Variants in SORCS2 observed in about 807,000 individuals in gnomAD.
The protein encoded by SORCS2 is sortilin related VPS10 domain containing receptor 2, also known as VPS10 domain-containing receptor SorCS2.
SORCS2 carries 100 observed loss-of-function variants against 141.6 expected under a neutral mutation model. The ratio of observed to expected loss-of-function variants is 0.71; its 90% CI spans 0.60 to 0.83. SORCS2 has a LOEUF of 0.83. SORCS2 is among the 40% of genes least tolerant of loss of function. The pLI is 0.00. For synonymous variants in SORCS2, 789 were observed against 676.9 expected, an observed-to-expected ratio of 1.17 and a Z score of -2.57; for missense variants, 1,646 against 1,560.2, an observed-to-expected ratio of 1.05 and a Z score of -0.93.
At chr4:7,509,537 C>G (rs1732483985) in intron 2 of SORCS2, among the ~76,000 whole-genome samples, 1 of 152,196 alleles carries the variant, frequency 6.6e-6, no homozygotes, top group Admixed American at 6.5e-5. Flanking sequence ...TCGCCACTCA[C>G]GGGAGGACTC....
At chr4:7,453,160 C>CTG (rs202173497) in intron 2 of SORCS2, among the ~76,000 whole-genome samples, 4 of 106,036 alleles carry the variant, frequency 3.8e-5, no homozygotes, top group Non-Finnish European at 7.4e-5. Context: ...GGGTCAGGTG[C>CTG]TGTGTTGGGG....
At chr4:7,282,986 T>G (rs1190491090) in intron 1 of SORCS2, among the ~76,000 whole-genome samples, 1 of 152,176 alleles carries the variant, frequency 6.6e-6, no homozygotes, top group African/African-American at 2.4e-5. Context: ...CATTCATTCA[T>G]TCATTCATCC....
At chr4:7,620,358 G>T (rs1719083331) in intron 3 of SORCS2, among the ~76,000 whole-genome samples, 1 of 152,154 alleles carries the variant, frequency 6.6e-6, no homozygotes, top group Non-Finnish European at 1.5e-5. Flanking sequence ...AGCTTTTTAG[G>T]GTCCCAGCTT....
At chr4:7,673,869 C>CTCACA (rs1375515143) in intron 8 of SORCS2, among the ~76,000 whole-genome samples, 2 of 152,216 alleles carry the variant, frequency 1.3e-5, no homozygotes, top group Non-Finnish European at 2.9e-5. Context: ...CTGCAGGAGT[C>CTCACA]TCACATCCTC....
At chr4:7,679,203 G>T (rs975487952) in intron 9 of SORCS2, among the ~76,000 whole-genome samples, 2 of 152,174 alleles carry the variant, frequency 1.3e-5, no homozygotes, top group African/African-American at 4.8e-5. Flanking sequence ...CCCCAGCAGG[G>T]CACAACCCAG....
At chr4:7,723,581 A>T in intron 18 of SORCS2, 116 bp from the exon 19 acceptor site, 2 of 1,201,110 alleles carry the variant, frequency 1.7e-6, no homozygotes, top group Non-Finnish European at 2.4e-6. Flanking sequence ...CACTCATGTC[A>T]AGGAAGGGAG....
intron 3 of SORCS2, among the ~76,000 whole-genome samples, chr4:7,583,593 G>T (rs904011583): frequency 4.6e-5 from 7 of 152,152 alleles, no homozygotes; most frequent in African/African-American, 1.7e-4. Context: ...TGTTCTCATG[G>T]TAGTGAATAA....
intron 4 of SORCS2, among the ~76,000 whole-genome samples, chr4:7,640,458 A>ATGAGCGTGTGTGTGTG (rs1720651097): frequency 1.0e-5 from 1 of 96,370 alleles, no homozygotes. Context: ...GTGGGTGTGT[A>ATGAGCGTGTGTGTGTG]TGAGCGTGTG....
intron 3 of SORCS2, among the ~76,000 whole-genome samples, chr4:7,579,507 C>A (rs1019289906): frequency 6.6e-6 from 1 of 152,138 alleles, no homozygotes; most frequent in Non-Finnish European, 1.5e-5. Flanking sequence ...GTGGAGGAGC[C>A]AGGACTGGAA....
chr4:7,426,811 C>G (rs188419841), intron 2 of SORCS2, among the ~76,000 whole-genome samples: 1 of 152,192 alleles, frequency 6.6e-6, no homozygotes, highest in Non-Finnish European at 1.5e-5. Flanking sequence ...GAGGCCCTCC[C>G]GCACCGGCAG....
intron 1 of SORCS2, among the ~76,000 whole-genome samples, chr4:7,282,772 G>A (rs1023003974): frequency 3.3e-5 from 5 of 152,166 alleles, no homozygotes; most frequent in South Asian, 2.1e-4. Flanking sequence ...CTCAGCCAGC[G>A]GCAGGTGGTA....
chr4:7,372,181 C>T (rs953648101), intron 1 of SORCS2, among the ~76,000 whole-genome samples: 6 of 152,054 alleles, frequency 3.9e-5, no homozygotes, highest in African/African-American at 1.4e-4. Context: ...GTGGATGATG[C>T]GTGTGAATCT....
intron 3 of SORCS2, among the ~76,000 whole-genome samples, chr4:7,617,929 C>T (rs1183024278): frequency 6.6e-6 from 1 of 152,000 alleles, no homozygotes; most frequent in Non-Finnish European, 1.5e-5. Flanking sequence ...GATTCGCAGT[C>T]AGGAGTGGGA....
intron 26 of SORCS2, among the ~76,000 whole-genome samples, chr4:7,738,851 C>T (rs1024733391): frequency 2.6e-5 from 4 of 152,180 alleles, no homozygotes; most frequent in Non-Finnish European, 4.4e-5. Flanking sequence ...GGACTGGCCA[C>T]GGTCCCTCTC....
chr4:7,631,932 A>T (rs557546332), intron 3 of SORCS2, among the ~76,000 whole-genome samples: 1 of 152,298 alleles, frequency 6.6e-6, no homozygotes, highest in South Asian at 2.1e-4. Context: ...CCCCCATGTT[A>T]GCCAGCTGCC....
Position 7,487,334 on chromosome 4 carries a change from G to C in SORCS2, c.549-44196G>C, listed in dbSNP as rs1310546294. Among the ~76,000 whole-genome samples, 13 of 152,236 alleles carry C rather than the reference G, an allele frequency of 8.5e-5. 1 individual carries two copies. Among genetic ancestry groups the C allele is most frequent in the Admixed American group, 8.5e-4 (13 of 15,288 alleles). ...TCACCAGAGGATCCTGAAGTGGGCT[G>C]TGTTATCCCCATCCTACAGCAGAAG... On this transcript the variant is annotated intron_variant, in intron 2 of 26. Transcript: ENST00000507866.
At chr4:7,228,697 C>T (rs1234676881) in intron 1 of SORCS2, among the ~76,000 whole-genome samples, 5 of 152,134 alleles carry the variant, frequency 3.3e-5, no homozygotes, top group African/African-American at 9.7e-5. Context: ...CTTCAGGACC[C>T]GCAGCTTCTC....
chr4:7,740,378 G>C lies in SORCS2; in HGVS notation c.*114G>C, dbSNP rs558548861. On this transcript the variant is annotated 3_prime_UTR_variant, in exon 27 of 27. Coordinates refer to ENST00000507866, the MANE Select transcript of SORCS2 (RefSeq NM_020777.3). ...CGGAAAGCCCCCTCCCTGAGTCGTCGCCACACCAGGCGACAGGCACCACCC... is the reference window on the plus strand; with the variant it reads ...CGGAAAGCCCCCTCCCTGAGTCGTCCCCACACCAGGCGACAGGCACCACCC... 2 of 928,184 alleles carry C rather than the reference G, an allele frequency of 2.2e-6. No individual in the cohort carries two copies. Among genetic ancestry groups the C allele is most frequent in the East Asian group, 2.7e-5 (1 of 37,648 alleles). 57.5% of individuals were successfully genotyped at this position (928,184 alleles called of 1,614,324 possible).
chr4:7,296,798 C>G (rs1717094114), intron 1 of SORCS2, among the ~76,000 whole-genome samples: 1 of 152,140 alleles, frequency 6.6e-6, no homozygotes, highest in African/African-American at 2.4e-5. Flanking sequence ...GAGGTGACCC[C>G]CCAACACACA....
Sources: allele counts gnomAD v4.1 joint callset (sites outside exome capture counted in the v4.1 genomes callset), GRCh38; gene constraint gnomAD v4.1.1; transcripts MANE v1.5; gene names NCBI Gene and HGNC (gene_info 2026-07-23, HGNC 2026-07-21).